The following SIL1 variants were observed in gnomAD, a reference collection of about 807,000 sequenced individuals.
The protein encoded by SIL1 is SIL1 nucleotide exchange factor.
In SIL1, 40 loss-of-function variants were observed where a neutral mutation model predicts 49.1. The ratio of observed to expected loss-of-function variants is 0.81; its 90% confidence interval spans 0.63 to 1.06. SIL1 has a LOEUF of 1.06. Among genes scored for constraint, SIL1 ranks in the 50% least tolerant of loss-of-function variants. The pLI is 0.00. For missense variants in SIL1, 500 were observed against 572.6 expected (o/e 0.87, Z 1.29); for synonymous variants, 253 against 250.8 (o/e 1.01, Z -0.08).
At chr5:139,174,826 T>C (rs1045737213) in intron 1 of SIL1, among the ~76,000 whole-genome samples, 3 of 149,120 alleles carry the variant, frequency 2.0e-5, no homozygotes, top group South Asian at 4.2e-4. Flanking sequence ...TAATCCCAGC[T>C]ACTCAGGAGG....
intron 1 of SIL1, among the ~76,000 whole-genome samples, chr5:139,181,819 T>G (rs1319749424): frequency 6.6e-6 from 1 of 152,192 alleles, no homozygotes; most frequent in Non-Finnish European, 1.5e-5. Context: ...AGATGTGAGA[T>G]TCTTTAACTG....
rs200516067 is a variant in SIL1, at chr5:139,026,971, G to A, written c.475C>T (p.Arg159Trp). The part of the protein sequence containing the change: ...EDKARQAEVK[R>W]LFRPIEELKK... ...AGTTCCTCAATGGGGCGGAAGAGCC[G>A]CTTTACCTCAGCCTGCCTTGCCTAA... Residue 159 changes from arginine to tryptophan, a missense_variant, in exon 6 of 10, where the codon CGG (arginine) becomes TGG (tryptophan). Physicochemically the swap from Arg to Trp is moderately radical, Grantham distance 101. Transcript: ENST00000394817. 1.1e-5 allele frequency: 18 copies of A among 1,614,124 alleles called. No homozygotes were observed. In the East Asian group the frequency reaches 1.6e-4, roughly 14 times the overall value.
At chr5:138,965,065 C>T (rs1767108935) in intron 7 of SIL1, among the ~76,000 whole-genome samples, 2 of 152,210 alleles carry the variant, frequency 1.3e-5, no homozygotes, top group Non-Finnish European at 2.9e-5. Flanking sequence ...AGGCTGGGGG[C>T]TTGAGAACAA....
chr5:138,964,923 T>A (rs996506858), intron 7 of SIL1, among the ~76,000 whole-genome samples: 2 of 152,212 alleles, frequency 1.3e-5, no homozygotes, highest in African/African-American at 4.8e-5. Context: ...TATGGACCAA[T>A]GTCCAGGGTA....
At chr5:139,123,081 T>C (rs1414115839) in intron 2 of SIL1, among the ~76,000 whole-genome samples, 1 of 152,234 alleles carries the variant, frequency 6.6e-6, no homozygotes, top group East Asian at 1.9e-4. Context: ...CTATTACTTA[T>C]GAAGGCAGTC....
At chr5:139,169,440 GTGTGTGTGTGTGTA>G (rs1456945267) in intron 1 of SIL1, among the ~76,000 whole-genome samples, 5 of 148,372 alleles carry the variant, frequency 3.4e-5, no homozygotes, top group Non-Finnish European at 3.0e-5. Flanking sequence ...GAAAAGTATG[GTGTGTGTGTGTGTA>G]TGTGTGTGTG....
At chr5:139,105,333 G>A (rs1327625842) in intron 3 of SIL1, among the ~76,000 whole-genome samples, 1 of 152,148 alleles carries the variant, frequency 6.6e-6, no homozygotes, top group Non-Finnish European at 1.5e-5. Context: ...AAGGAGGCTG[G>A]ACTGTGGCTT....
chr5:139,110,385 T>C (rs13176497), intron 3 of SIL1, among the ~76,000 whole-genome samples: 39,442 of 151,680 alleles, frequency 0.26, 6,009 homozygotes, highest in Middle Eastern at 0.38. Flanking sequence ...ATTATGGCCA[T>C]AGGTAATCAA....
intron 1 of SIL1, among the ~76,000 whole-genome samples, chr5:139,140,829 G>T (rs1163155725): frequency 6.6e-6 from 1 of 152,168 alleles, no homozygotes. Flanking sequence ...ACCAATTTGG[G>T]ATCAGAAACC....
At chr5:139,173,790 C>CAAAAAAAAA (rs70982756) in intron 1 of SIL1, among the ~76,000 whole-genome samples, 3 of 106,364 alleles carry the variant, frequency 2.8e-5, no homozygotes, top group Non-Finnish European at 3.8e-5. Flanking sequence ...ACTAAAAATA[C>CAAAAAAAAA]AAAAAAAAAA....
intron 1 of SIL1, among the ~76,000 whole-genome samples, chr5:139,179,510 AT>A (rs961355537): frequency 4.6e-5 from 7 of 152,236 alleles, no homozygotes; most frequent in Non-Finnish European, 8.8e-5. Flanking sequence ...AATTAAGGCC[AT>A]TTTCCCTCTA....
intron 3 of SIL1, among the ~76,000 whole-genome samples, chr5:139,099,078 A>C (rs973353350): frequency 6.6e-6 from 1 of 151,994 alleles, no homozygotes; most frequent in African/African-American, 2.4e-5. Flanking sequence ...CAGCCTCCCA[A>C]AGTGCTGGGA....
chr5:139,073,321 A>G lies in SIL1; in HGVS notation c.245-22275T>C, dbSNP rs1311669034. Among the ~76,000 whole-genome samples, 4 of 152,242 alleles carry G rather than the reference A, an allele frequency of 2.6e-5. No homozygotes were observed. In the South Asian group the frequency reaches 8.3e-4, roughly 31 times the overall value. ...ATCCTCAATCTCCATCAATGCAGGA[A>G]TAGAATACAGAAAATATGGAATACT... On this transcript the variant is annotated intron_variant, in intron 3 of 9. Coordinates refer to ENST00000394817, the MANE Select transcript of SIL1 (RefSeq NM_022464.5).
chr5:138,980,119 C>A (rs1767483306), intron 7 of SIL1, among the ~76,000 whole-genome samples: 1 of 152,220 alleles, frequency 6.6e-6, no homozygotes. Context: ...GTCAGCATGG[C>A]TGACAGGAAG....
intron 6 of SIL1, among the ~76,000 whole-genome samples, chr5:139,023,192 C>T (rs552464448): frequency 2.0e-4 from 30 of 152,164 alleles, no homozygotes; most frequent in Non-Finnish European, 4.1e-4. Flanking sequence ...GAGGAAGAAA[C>T]GATTCATTCT....
chr5:139,082,522 G>A (rs1770104516), intron 3 of SIL1, among the ~76,000 whole-genome samples: 1 of 152,210 alleles, frequency 6.6e-6, no homozygotes, highest in Admixed American at 6.5e-5. Context: ...GATAGGGCCT[G>A]GAAGCCCCCG....
chr5:139,181,893 G>C (rs1054323053), intron 1 of SIL1, among the ~76,000 whole-genome samples: 1 of 152,156 alleles, frequency 6.6e-6, no homozygotes, highest in South Asian at 2.1e-4. Flanking sequence ...CCATAGCAAG[G>C]CTTCACTAAA....
intron 6 of SIL1, among the ~76,000 whole-genome samples, chr5:139,023,474 G>A (rs1296446160): frequency 6.6e-6 from 1 of 152,260 alleles, no homozygotes; most frequent in Non-Finnish European, 1.5e-5. Context: ...GCACACAGCT[G>A]AGGAGACACG....
At chr5:139,029,688 T>C (rs10039923) in intron 5 of SIL1, among the ~76,000 whole-genome samples, 1 of 151,560 alleles carries the variant, frequency 6.6e-6, no homozygotes, top group African/African-American at 2.4e-5. Context: ...TTTGTAGACA[T>C]GGGGTTTCGC....
Sources: gnomAD v4.1 joint callset for allele counts (sites outside exome capture counted in the v4.1 genomes callset) on GRCh38, gnomAD v4.1.1 for gene constraint, MANE v1.5 for transcripts, NCBI Gene and HGNC (gene_info 2026-07-23, HGNC 2026-07-21) for gene names.